The following GRB10 variants were observed in gnomAD, a reference collection of about 807,000 sequenced individuals.
The protein encoded by GRB10 is growth factor receptor bound protein 10.
In GRB10, 20 loss-of-function variants were observed where a neutral mutation model predicts 80.9. The ratio of observed to expected loss-of-function variants is 0.25; its 90% confidence interval spans 0.17 to 0.36. The LOEUF is 0.36. Ranked by LOEUF, GRB10 falls within the 10% of genes least tolerant of loss-of-function variation. The pLI is 1.00. For missense variants in GRB10, 548 were observed against 747.7 expected, an observed-to-expected ratio of 0.73 and a Z score of 3.12; for synonymous variants, 291 against 291.5, an observed-to-expected ratio of 1.00 and a Z score of 0.02.
intron 7 of GRB10, among the ~76,000 whole-genome samples, chr7:50,644,678 C>T (rs905166225): frequency 6.6e-6 from 1 of 152,204 alleles, no homozygotes; most frequent in Admixed American, 6.5e-5. Context: ...GTAAGGCCTG[C>T]TGTGAAAGCG....
At chr7:50,681,112 G>GT (rs1429728396) in intron 5 of GRB10, among the ~76,000 whole-genome samples, 1 of 152,208 alleles carries the variant, frequency 6.6e-6, no homozygotes, top group Non-Finnish European at 1.5e-5. Flanking sequence ...CCCTTTGAGT[G>GT]TTTAAGTATC....
chr7:50,696,137 G>A (rs1279049172), intron 5 of GRB10, among the ~76,000 whole-genome samples: 1 of 152,124 alleles, frequency 6.6e-6, no homozygotes, highest in East Asian at 1.9e-4. Flanking sequence ...AGGGGAATAT[G>A]CTATTGATTG....
At chr7:50,691,941 C>T (rs577246819) in intron 5 of GRB10, among the ~76,000 whole-genome samples, 2 of 152,112 alleles carry the variant, frequency 1.3e-5, no homozygotes, top group South Asian at 2.1e-4. Context: ...ACAGTTTCAC[C>T]ATGAGAAAAT....
chr7:50,707,351 C>A (rs959620723), intron 4 of GRB10, among the ~76,000 whole-genome samples: 2 of 152,194 alleles, frequency 1.3e-5, no homozygotes, highest in Admixed American at 1.3e-4. Context: ...GAGGTGGTCA[C>A]CCTGCTCACG....
At chr7:50,692,904 A>G (rs898297171) in intron 5 of GRB10, among the ~76,000 whole-genome samples, 1 of 152,162 alleles carries the variant, frequency 6.6e-6, no homozygotes, top group Non-Finnish European at 1.5e-5. Context: ...CACTGAGTTA[A>G]CACCTGTCTG....
intron 8 of GRB10, among the ~76,000 whole-genome samples, chr7:50,622,788 CTT>C (rs201269442): frequency 1.4e-5 from 2 of 144,866 alleles, no homozygotes; most frequent in Non-Finnish European, 1.5e-5. Context: ...TTCCTTTTAT[CTT>C]TTTTTTTTTT....
intron 4 of GRB10, among the ~76,000 whole-genome samples, chr7:50,711,319 A>C (rs2065863805): frequency 6.6e-6 from 1 of 151,404 alleles, no homozygotes; most frequent in Non-Finnish European, 1.5e-5. Flanking sequence ...AAAGGAGAAG[A>C]CGCAATCCTA....
intron 4 of GRB10, among the ~76,000 whole-genome samples, chr7:50,726,695 T>TA (rs1439395710): frequency 2.6e-5 from 4 of 152,140 alleles, no homozygotes; most frequent in Non-Finnish European, 4.4e-5. Context: ...TTAGGGACAA[T>TA]ACATAATAAT....
chr7:50,723,579 C>T (rs547131684), intron 4 of GRB10, among the ~76,000 whole-genome samples: 1 of 152,300 alleles, frequency 6.6e-6, no homozygotes, highest in African/African-American at 2.4e-5. Context: ...AGCGATCCAG[C>T]CCCTTGGATC....
At chr7:50,631,963 T>A (rs2054081682) in intron 7 of GRB10, among the ~76,000 whole-genome samples, 1 of 152,166 alleles carries the variant, frequency 6.6e-6, no homozygotes, top group South Asian at 2.1e-4. Flanking sequence ...ACCCAGCGTG[T>A]ACCAGGTGGG....
chr7:50,674,373 G>C, intron 6 of GRB10, 63 bp downstream of exon 6: 1 of 1,475,420 alleles, frequency 6.8e-7, no homozygotes, highest in Non-Finnish European at 9.3e-7. Flanking sequence ...CTCACAGAGA[G>C]CAGTGTCCCT....
At chr7:50,676,262 C>T (rs1586748219) in intron 5 of GRB10, among the ~76,000 whole-genome samples, 1 of 149,262 alleles carries the variant, frequency 6.7e-6, no homozygotes, top group East Asian at 2.0e-4. Flanking sequence ...GGGCCCAGGG[C>T]CCAGGACGTG....
chr7:50,618,450 A>G (rs1210128423), intron 9 of GRB10, among the ~76,000 whole-genome samples: 1 of 152,250 alleles, frequency 6.6e-6, no homozygotes, highest in Non-Finnish European at 1.5e-5. Context: ...ACAAGTGCAC[A>G]GCGTGAGATA....
At chr7:50,764,722 G>C (rs903870401) in intron 2 of GRB10, among the ~76,000 whole-genome samples, 12 of 152,154 alleles carry the variant, frequency 7.9e-5, no homozygotes, top group Admixed American at 7.9e-4. Context: ...CCAACTTCAT[G>C]CAAGGATGAA....
chr7:50,771,662 T>C (rs1027795341), intron 2 of GRB10, among the ~76,000 whole-genome samples: 1 of 152,168 alleles, frequency 6.6e-6, no homozygotes, highest in African/African-American at 2.4e-5. Flanking sequence ...CTGATACTGC[T>C]CTTGGCTATC....
At chr7:50,596,412 C>T (rs1339116132) in intron 17 of GRB10, among the ~76,000 whole-genome samples, 2 of 152,218 alleles carry the variant, frequency 1.3e-5, no homozygotes, top group East Asian at 3.9e-4. Context: ...GCCTGAATCT[C>T]ACCATGAGTG....
chr7:50,625,476 GT>G (rs1708684830), intron 8 of GRB10, among the ~76,000 whole-genome samples: 5 of 152,098 alleles, frequency 3.3e-5, no homozygotes, highest in Admixed American at 6.5e-5. Flanking sequence ...CAAGTTACTT[GT>G]GTGTCAACAG....
chr7:50,730,471 T>C (rs948549565), intron 4 of GRB10, among the ~76,000 whole-genome samples: 3 of 152,244 alleles, frequency 2.0e-5, no homozygotes, highest in East Asian at 3.8e-4. Flanking sequence ...AATCATCCCA[T>C]ATTCTGAGAA....
chr7:50,618,521 C>A (rs577223454), intron 9 of GRB10, among the ~76,000 whole-genome samples: 1 of 152,192 alleles, frequency 6.6e-6, no homozygotes, highest in Non-Finnish European at 1.5e-5. Flanking sequence ...TGCTGCATTC[C>A]CCAAAAACAG....
Sources: allele counts gnomAD v4.1 joint callset (sites outside exome capture counted in the v4.1 genomes callset), GRCh38; gene constraint gnomAD v4.1.1; transcripts MANE v1.5; gene names NCBI Gene and HGNC (gene_info 2026-07-23, HGNC 2026-07-21).